The following ZNF469 variants were observed in gnomAD, a reference collection of about 807,000 sequenced individuals.
ZNF469 encodes the protein zinc finger protein 469.
ZNF469 carries 1 observed loss-of-function variant against 1.0 expected under a neutral mutation model. The observed-to-expected ratio is 1.00, with a 90% CI of 0.35 to 4.73. ZNF469 has a LOEUF of 4.73. ZNF469 is among the 30% of genes most tolerant of loss of function. ZNF469 has a pLI of 0.16. For missense variants in ZNF469, 6,100 were observed against 5,356.3 expected (o/e 1.14, Z -4.33); for synonymous variants, 2,703 against 2,363.4 (o/e 1.14, Z -4.17).
At chr16:88,193,825 C>T in the ZNF469 span, among the ~76,000 whole-genome samples, 1 of 152,168 alleles carries the variant, frequency 6.6e-6, no homozygotes, top group South Asian at 2.1e-4. Flanking sequence ...TGGTGAGGCC[C>T]ATTTCCTCAT....
At chr16:88,291,533 G>A in the ZNF469 span, among the ~76,000 whole-genome samples, 3 of 152,174 alleles carry the variant, frequency 2.0e-5, no homozygotes, top group Non-Finnish European at 4.4e-5. Flanking sequence ...TGAAGACACC[G>A]GGGCTCAGCA....
At chr16:88,176,265 T>C in the ZNF469 span, among the ~76,000 whole-genome samples, 2 of 150,048 alleles carry the variant, frequency 1.3e-5, no homozygotes, top group Non-Finnish European at 3.0e-5. Context: ...CCTCCTGCTC[T>C]CCACCCTGGG....
chr16:88,434,402 G>T lies in ZNF469; in HGVS notation c.6932G>T (p.Arg2311Met), dbSNP rs759098851. The change falls in exon 3 of 3, where the codon AGG (arginine) becomes ATG (methionine). Residue 2311 changes from arginine (R) to methionine (M), a missense_variant. Transcript: ENST00000565624. ...RGLPGPDPQS[R>M]GAPPHTNPDR... The stretch of plus-strand genomic sequence containing the variant: ...CTCCCAGGGCCAGACCCCCAGAGCA[G>T]GGGAGCCCCGCCCCACACCAACCCT... 1.3e-6 allele frequency: 2 copies of T among 1,549,636 alleles called. No individual in the cohort carries two copies. The highest frequency in any genetic ancestry group is 2.7e-5 in the African/African-American group (2 of 73,034).
At chr16:88,244,958 C>G in the ZNF469 span, among the ~76,000 whole-genome samples, 8 of 151,878 alleles carry the variant, frequency 5.3e-5, no homozygotes, top group African/African-American at 1.9e-4. Context: ...TATATCACTG[C>G]TAAAAGGAAG....
chr16:88,224,594 G>T, the ZNF469 span, among the ~76,000 whole-genome samples: 1 of 152,226 alleles, frequency 6.6e-6, no homozygotes, highest in East Asian at 1.9e-4. Flanking sequence ...GAGGCGCAGA[G>T]AGGCTGAGCA....
Position 88,438,897 on chromosome 16 carries a change from G to A in ZNF469, c.11427G>A (p.Glu3809=), listed in dbSNP as rs1012809883. 9.7e-6 allele frequency: 15 copies of A among 1,550,454 alleles called. No homozygotes were observed. In the South Asian group the frequency reaches 1.8e-4, roughly 18 times the overall value. ...CCCACGGGAGCCTAGGTCCCAAGGA[G>A]AAGGGAGAGAGCAGTACGAAGAGGA... ...QGPHGSLGPK[E]KGESSTKRKK... is the part of the protein sequence containing the mutation. Residue 3809 remains glutamate (E), a synonymous_variant, in exon 3 of 3, where the codon GAG becomes GAA. Transcript: ENST00000565624.
rs1567512033 is a variant in ZNF469, at chr16:88,431,358, A to G, written c.3888A>G (p.Pro1296=). ...NTAPHGSSPT[P]GVGSLLGGPG... ...CGCCCCACGGAAGCTCGCCAACGCC[A>G]GGTGTGGGCAGCCTGCTGGGTGGTC... The change falls in exon 3 of 3, where the codon CCA becomes CCG. Residue 1296 remains proline (P), a synonymous_variant. Coordinates refer to ENST00000565624, the MANE Select transcript of ZNF469 (RefSeq NM_001367624.2). The G allele has an allele frequency of 4.5e-6, 7 of 1,549,586 alleles. No homozygotes were observed. In the East Asian group the frequency reaches 1.7e-4, roughly 38 times the overall value.
At chr16:88,280,667 C>T in the ZNF469 span, among the ~76,000 whole-genome samples, 1 of 145,024 alleles carries the variant, frequency 6.9e-6, no homozygotes, top group Non-Finnish European at 1.5e-5. Flanking sequence ...GTGCCACACT[C>T]AAACTTGGTC....
the ZNF469 span, among the ~76,000 whole-genome samples, chr16:88,230,972 G>T: frequency 6.6e-6 from 1 of 152,128 alleles, no homozygotes; most frequent in South Asian, 2.1e-4. Context: ...CTGGCGAAGG[G>T]ACCCAGGACA....
intron 1 of ZNF469, among the ~76,000 whole-genome samples, chr16:88,407,927 T>C (rs1905061652): frequency 6.6e-6 from 1 of 152,266 alleles, no homozygotes; most frequent in Non-Finnish European, 1.5e-5. Flanking sequence ...TGCACGTGTG[T>C]GCCTGCTGCA....
the ZNF469 span, among the ~76,000 whole-genome samples, chr16:88,364,439 C>A: frequency 3.7e-5 from 5 of 135,404 alleles, no homozygotes; most frequent in Non-Finnish European, 4.5e-5. Context: ...ATTATTGTTC[C>A]TTGCTTTTCC....
At chr16:88,386,553 C>G (rs2092537175) in intron 1 of ZNF469, among the ~76,000 whole-genome samples, 1 of 152,210 alleles carries the variant, frequency 6.6e-6, no homozygotes, top group Non-Finnish European at 1.5e-5. Flanking sequence ...GGGCCCTATT[C>G]AGGCCGGATC....
At position 88,424,179 on chromosome 16, in the gene ZNF469, G is replaced by A. The variant is rs1357014587; in HGVS notation, c.-191-628G>A. Among the ~76,000 whole-genome samples, 1 of 152,250 alleles carries A rather than the reference G, an allele frequency of 6.6e-6. No individual in the cohort carries two copies. Among genetic ancestry groups the A allele is most frequent in the Non-Finnish European group, 1.5e-5 (1 of 68,054 alleles). The stretch of plus-strand genomic sequence containing the variant: ...AGTGTCCATCCAGACAGGTCTGGGT[G>A]CTCTGCAGCCTGGATGCGAGGACGA... On this transcript the variant is annotated intron_variant, in intron 1 of 2. Transcript: ENST00000565624. The surrounding 1 kb of genome is among the most constrained non-coding windows in gnomAD (Gnocchi z 4.3).
the ZNF469 span, among the ~76,000 whole-genome samples, chr16:88,240,098 G>C: frequency 6.6e-6 from 1 of 150,854 alleles, no homozygotes; most frequent in Non-Finnish European, 1.5e-5. Flanking sequence ...GACTGACCCT[G>C]AGCCGGCGAT....
chr16:88,217,380 C>T, the ZNF469 span, among the ~76,000 whole-genome samples: 2 of 152,140 alleles, frequency 1.3e-5, no homozygotes, highest in African/African-American at 4.8e-5. Flanking sequence ...TTCCTTGGGG[C>T]CCCAGTCTTT....
the ZNF469 span, among the ~76,000 whole-genome samples, chr16:88,374,252 A>G: frequency 1.9e-4 from 29 of 152,188 alleles, no homozygotes; most frequent in Non-Finnish European, 2.6e-4. Flanking sequence ...ATGTGTGCCA[A>G]AATACAAGGA....
At chr16:88,209,646 C>T in the ZNF469 span, among the ~76,000 whole-genome samples, 5 of 152,158 alleles carry the variant, frequency 3.3e-5, no homozygotes, top group Non-Finnish European at 4.4e-5. Flanking sequence ...TTCTTTTACC[C>T]AGAAGATGGC....
the ZNF469 span, among the ~76,000 whole-genome samples, chr16:88,257,137 C>T: frequency 3.1e-3 from 230 of 73,078 alleles, no homozygotes; most frequent in African/African-American, 3.1e-3. Flanking sequence ...TTTTTTTTTG[C>T]ATTTTTAGTA....
At chr16:88,306,201 CA>C in the ZNF469 span, among the ~76,000 whole-genome samples, 1 of 152,254 alleles carries the variant, frequency 6.6e-6, no homozygotes, top group Non-Finnish European at 1.5e-5. Flanking sequence ...CAGGAGCCTA[CA>C]GTGTGCCAGG....
Sources: allele counts gnomAD v4.1 joint callset (sites outside exome capture counted in the v4.1 genomes callset), GRCh38; gene constraint gnomAD v4.1.1; non-coding constraint Gnocchi (gnomAD v3.1); transcripts MANE v1.5; gene names NCBI Gene and HGNC (gene_info 2026-07-23, HGNC 2026-07-21).